Variants in DNAH2 observed in about 807,000 individuals in gnomAD.
The protein encoded by DNAH2 is axonemal beta dynein heavy chain 2.
In DNAH2, 323 loss-of-function variants were observed where a neutral mutation model predicts 523.5. That is an observed-to-expected ratio of 0.62 (90% CI 0.56 to 0.68). The LOEUF (loss-of-function observed/expected upper bound fraction) is 0.68. DNAH2 is among the 30% of genes least tolerant of loss of function. The probability of loss-of-function intolerance (pLI) is 0.00; values close to 1 mark genes in which losing one functional copy is unlikely to be tolerated. For missense variants in DNAH2, 4,907 were observed against 5,701.5 expected (o/e 0.86, Z 4.49); for synonymous variants, 2,093 against 2,177.4 (o/e 0.96, Z 1.08).
At chr17:7,825,531 C>T (rs531716078) in intron 77 of DNAH2, among the ~76,000 whole-genome samples, 3 of 152,312 alleles carry the variant, frequency 2.0e-5, no homozygotes, top group African/African-American at 7.2e-5. Context: ...CTGCTTTCCC[C>T]GCTGTCTTTT....
At position 7,823,439 on chromosome 17, in the gene DNAH2, C is replaced by T. The variant is rs375869976; in HGVS notation, c.11143-3C>T. 4 of 1,613,146 alleles carry T rather than the reference C, an allele frequency of 2.5e-6. No homozygotes were observed. The highest frequency in any genetic ancestry group is 3.4e-6 in the Non-Finnish European group (4 of 1,179,778). ...CCCTTTCTTCCTCCCCTTCTCCCACCAGGTCTTGGATCGGGAGGGCCAAAT... is the reference window on the plus strand; with the variant it reads ...CCCTTTCTTCCTCCCCTTCTCCCACTAGGTCTTGGATCGGGAGGGCCAAAT... On this transcript the variant is annotated splice_polypyrimidine_tract_variant and splice_region_variant and intron_variant, in intron 73 of 85. Coordinates refer to ENST00000572933, the MANE Select transcript of DNAH2 (RefSeq NM_020877.5).
Position 7,830,697 on chromosome 17 carries a change from G to A in DNAH2, c.12085G>A (p.Glu4029Lys), listed in dbSNP as rs751179381. The A allele has an allele frequency of 1.1e-5, 18 of 1,614,046 alleles. No homozygotes were observed. The highest frequency in any genetic ancestry group is 5.0e-5 in the Admixed American group (3 of 60,010). The change falls in exon 79 of 86, where the codon GAG (glutamate) becomes AAG (lysine). Residue 4029 changes from glutamate to lysine, a missense_variant. By Grantham distance (56) the Glu-to-Lys change is moderately conservative. This residue lies in a region of DNAH2 where 1,851 missense variants were observed against 2,139.4 expected (regional missense o/e 0.87). Transcript: ENST00000572933. ...NLLSLYLDEY[E>K]ETPWDALKYL... The stretch of plus-strand genomic sequence containing the variant: ...GCTGAGCCTCTATCTCGATGAGTAC[G>A]AGGAGACACCTTGGGACGCACTTAA...
chr17:7,830,894 G>A, intron 79 of DNAH2, 52 bp downstream of exon 79: 1 of 1,608,300 alleles, frequency 6.2e-7, no homozygotes, highest in Non-Finnish European at 8.5e-7. Context: ...AGTCAGCCAG[G>A]TGGTGGGATC....
chr17:7,829,347 C>T (rs1254611518), intron 77 of DNAH2, among the ~76,000 whole-genome samples: 3 of 152,126 alleles, frequency 2.0e-5, no homozygotes, highest in Non-Finnish European at 1.5e-5. Context: ...TCCATCTATC[C>T]ACGGCCCTCC....
intron 2 of DNAH2, among the ~76,000 whole-genome samples, chr17:7,720,459 G>T (rs1265426516): frequency 6.6e-6 from 1 of 152,122 alleles, no homozygotes. Flanking sequence ...CTAGATCTAG[G>T]GAGGAAAGAG....
chr17:7,757,707 C>T (rs1345439348), intron 13 of DNAH2, among the ~76,000 whole-genome samples: 4 of 152,114 alleles, frequency 2.6e-5, no homozygotes, highest in African/African-American at 9.7e-5. Flanking sequence ...ATGCCATAGA[C>T]CGGGTGGCTT....
chr17:7,745,246 C>T (rs995891122), intron 12 of DNAH2, among the ~76,000 whole-genome samples: 4 of 152,046 alleles, frequency 2.6e-5, no homozygotes, highest in Admixed American at 6.6e-5. Context: ...CTGGCCACCT[C>T]GGCCTCCCAA....
intron 4 of DNAH2, among the ~76,000 whole-genome samples, chr17:7,728,541 A>G (rs1484058133): frequency 6.6e-6 from 1 of 152,238 alleles, no homozygotes; most frequent in Admixed American, 6.5e-5. Context: ...CACAATTTGC[A>G]AAATATATTT....
intron 21 of DNAH2, 86 bp downstream of exon 21, chr17:7,765,651 TGGGAG>T: frequency 6.8e-7 from 1 of 1,473,272 alleles, no homozygotes; most frequent in Non-Finnish European, 9.2e-7. Flanking sequence ...AGGCGAGAAC[TGGGAG>T]GGGAGGAGGA....
In DNAH2 at chr17:7,763,811, G is replaced by A; in HGVS notation, c.2979-20G>A. 2.5e-6 allele frequency: 4 copies of A among 1,613,622 alleles called. No homozygotes were observed. The highest frequency in any genetic ancestry group is 2.5e-6 in the Non-Finnish European group (3 of 1,179,926). ...CTGCAAAGAAAACAACATCCTAGCT[G>A]GGATCTGGGGCTCTTGCAGCTACAC... On this transcript the variant is annotated intron_variant, in intron 18 of 85. Coordinates refer to ENST00000572933, the MANE Select transcript of DNAH2 (RefSeq NM_020877.5).
At chr17:7,814,845 G>A (rs1017158730) in intron 63 of DNAH2, among the ~76,000 whole-genome samples, 1 of 152,200 alleles carries the variant, frequency 6.6e-6, no homozygotes, top group African/African-American at 2.4e-5. Context: ...GCGAGACTCC[G>A]TCTCAAAACA....
chr17:7,746,032 G>T (rs536967415), intron 12 of DNAH2, among the ~76,000 whole-genome samples: 1 of 152,072 alleles, frequency 6.6e-6, no homozygotes, highest in Non-Finnish European at 1.5e-5. Flanking sequence ...TGGCATTATC[G>T]GGCAGCTGAT....
chr17:7,820,715 G>C (rs1297802046), intron 72 of DNAH2, among the ~76,000 whole-genome samples: 1 of 152,152 alleles, frequency 6.6e-6, no homozygotes, highest in Non-Finnish European at 1.5e-5. Flanking sequence ...AATAATGAAT[G>C]TTTTGTTTTT....
chr17:7,796,974 C>T lies in DNAH2; in HGVS notation c.7864-202C>T, dbSNP rs557028682. 5.8e-4 allele frequency among the ~76,000 whole-genome samples: 87 copies of T among 150,302 alleles called. 1 individual carries two copies. The highest frequency in any genetic ancestry group is 1.9e-3 in the African/African-American group (78 of 40,820). ...AAAATTAGCTGGGCATGGTGGCACG[C>T]GCCTGTAGTCCCAGCTACATGGGAG... On this transcript the variant is annotated intron_variant, in intron 50 of 85. Coordinates refer to ENST00000572933, the MANE Select transcript of DNAH2 (RefSeq NM_020877.5).
At chr17:7,829,644 A>G (rs1383798631) in intron 77 of DNAH2, among the ~76,000 whole-genome samples, 2 of 151,894 alleles carry the variant, frequency 1.3e-5, no homozygotes, top group African/African-American at 4.8e-5. Context: ...AGTTGAACGT[A>G]TATGTACTTA....
Position 7,828,726 on chromosome 17 carries a change from G to A in DNAH2, c.11854-1574G>A, listed in dbSNP as rs1409254071. Reference sequence around the variant, plus strand: ...CCCAAAGTGCTGAGATTACAGGTGTGAGCCACTATGCCTGGCCTAAAATTC... The same window carrying A: ...CCCAAAGTGCTGAGATTACAGGTGTAAGCCACTATGCCTGGCCTAAAATTC... On this transcript the variant is annotated intron_variant, in intron 77 of 85. Transcript: ENST00000572933. This position sits in a 1 kb window ranked among gnomAD's most constrained non-coding sequence, Gnocchi z 4.1. Among the ~76,000 whole-genome samples the A allele has an allele frequency of 1.3e-5, 2 of 152,052 alleles. No homozygotes were observed. The highest frequency in any genetic ancestry group is 3.8e-4 in the East Asian group (2 of 5,204).
chr17:7,734,833 G>C, intron 7 of DNAH2, 125 bp downstream of exon 7: 1 of 921,824 alleles, frequency 1.1e-6, no homozygotes, highest in Admixed American at 2.0e-5. Flanking sequence ...CCCACCCAGG[G>C]TTCGGCCTTG....
chr17:7,832,920 C>T lies in DNAH2; in HGVS notation c.12970C>T (p.Pro4324Ser), dbSNP rs144664374. The T allele has an allele frequency of 3.1e-5, 50 of 1,614,116 alleles. No homozygotes were observed. In the African/African-American group the frequency reaches 5.5e-4, roughly 18 times the overall value. Residue 4324 changes from proline (P) to serine (S), a missense_variant, in exon 84 of 86, where the codon CCC becomes TCC. By Grantham distance (74) the Pro-to-Ser change is moderately conservative. Coordinates refer to ENST00000572933, the MANE Select transcript of DNAH2 (RefSeq NM_020877.5). The surrounding 1 kb of genome is among the most constrained non-coding windows in gnomAD (Gnocchi z 4.3). ...STVDDSNLVY[P>S]PKDGVWVRGL... ...TGTGGATGACAGCAACCTAGTGTAT[C>T]CCCCCAAGGTGGGAGCCAGTTGTGC... is the stretch of plus-strand genomic sequence containing the variant.
At chr17:7,783,232 C>T (rs573371633) in intron 39 of DNAH2, among the ~76,000 whole-genome samples, 99 of 152,178 alleles carry the variant, frequency 6.5e-4, no homozygotes, top group Non-Finnish European at 1.3e-3. Flanking sequence ...CATGCACCAC[C>T]ACACCCAGCT....
Sources: allele counts gnomAD v4.1 joint callset (sites outside exome capture counted in the v4.1 genomes callset), GRCh38; gene constraint gnomAD v4.1.1; regional missense constraint gnomAD v4.1.1; non-coding constraint Gnocchi (gnomAD v3.1); transcripts MANE v1.5; gene names NCBI Gene and HGNC (gene_info 2026-07-23, HGNC 2026-07-21).